The following ENOX1 variants were observed in gnomAD, a reference collection of about 807,000 sequenced individuals.
ENOX1 encodes candidate growth-related and time keeping constitutive hydroquinone (NADH) oxidase.
In ENOX1, 42 loss-of-function variants were observed where a neutral mutation model predicts 82.5. The ratio of observed to expected loss-of-function variants is 0.51; its 90% CI spans 0.40 to 0.66. The LOEUF (loss-of-function observed/expected upper bound fraction) is 0.66, where lower values mean the gene tolerates loss of function less well. Ranked by LOEUF, ENOX1 falls within the 30% of genes least tolerant of loss-of-function variation. ENOX1 has a pLI of 0.00. For missense variants in ENOX1, 608 were observed against 811.6 expected (o/e 0.75, Z 3.05); for synonymous variants, 271 against 282.2 (o/e 0.96, Z 0.40).
intron 2 of ENOX1, among the ~76,000 whole-genome samples, chr13:43,568,027 G>A (rs1206095497): frequency 6.6e-6 from 1 of 152,132 alleles, no homozygotes; most frequent in East Asian, 1.9e-4. Flanking sequence ...ACACAGAAAT[G>A]CTCCCATACT....
At chr13:43,542,010 G>A (rs1014549804) in intron 2 of ENOX1, among the ~76,000 whole-genome samples, 2 of 152,112 alleles carry the variant, frequency 1.3e-5, no homozygotes, top group Non-Finnish European at 2.9e-5. Context: ...CACTGTCGGG[G>A]GTTCCAGAAA....
intron 2 of ENOX1, among the ~76,000 whole-genome samples, chr13:43,646,492 C>A (rs1450087190): frequency 6.6e-6 from 1 of 152,182 alleles, no homozygotes; most frequent in Admixed American, 6.5e-5. Context: ...GACTGCCTGA[C>A]GACTCTGCAG....
intron 2 of ENOX1, among the ~76,000 whole-genome samples, chr13:43,510,053 T>C (rs1032272308): frequency 8.6e-5 from 13 of 152,026 alleles, no homozygotes; most frequent in African/African-American, 2.4e-4. Flanking sequence ...TCTCTGTACA[T>C]ATGTATAGAT....
intron 5 of ENOX1, among the ~76,000 whole-genome samples, chr13:43,384,625 C>T (rs1170551746): frequency 6.6e-6 from 1 of 152,168 alleles, no homozygotes. Flanking sequence ...TTCCGCTATG[C>T]CATGCACCTT....
intron 2 of ENOX1, among the ~76,000 whole-genome samples, chr13:43,542,763 G>A (rs992369308): frequency 1.3e-5 from 2 of 152,162 alleles, no homozygotes; most frequent in African/African-American, 4.8e-5. Context: ...TCAGACTGCT[G>A]TAATACAATA....
At chr13:43,308,235 T>A (rs1196197619) in intron 11 of ENOX1, among the ~76,000 whole-genome samples, 1 of 152,178 alleles carries the variant, frequency 6.6e-6, no homozygotes, top group East Asian at 1.9e-4. Context: ...GTGAGGGGAC[T>A]TCTCCACCTG....
intron 8 of ENOX1, among the ~76,000 whole-genome samples, chr13:43,353,621 G>A (rs997288131): frequency 6.6e-6 from 1 of 152,136 alleles, no homozygotes; most frequent in Non-Finnish European, 1.5e-5. Context: ...TCCTCTCTAA[G>A]GCAGCCAATT....
rs1427936569 is a variant in ENOX1 at position 43,351,278 on chromosome 13, C to A, written c.823+4641G>T. Among the ~76,000 whole-genome samples, 4 of 152,160 alleles carry A rather than the reference C, an allele frequency of 2.6e-5. No homozygotes were observed. In the East Asian group the frequency reaches 7.7e-4, roughly 29 times the overall value. On this transcript the variant is annotated intron_variant, in intron 8 of 16. Coordinates refer to ENST00000690772, the MANE Select transcript of ENOX1 (RefSeq NM_001347969.2). ...AAAGAGTTAATGTTCCCTTCTACCC[C>A]CAAAACACACATGCAATCTCCTTAA...
At chr13:43,745,657 T>C (rs1949983257) in intron 1 of ENOX1, among the ~76,000 whole-genome samples, 2 of 152,198 alleles carry the variant, frequency 1.3e-5, no homozygotes, top group Non-Finnish European at 2.9e-5. Context: ...TGAGCTGCTA[T>C]ACCACTGATA....
chr13:43,520,612 C>T (rs180985236), intron 2 of ENOX1, among the ~76,000 whole-genome samples: 1 of 152,206 alleles, frequency 6.6e-6, no homozygotes, highest in East Asian at 1.9e-4. Context: ...ACTGAATCAC[C>T]ATCACACGAA....
chr13:43,258,862 C>G (rs2043898971), intron 14 of ENOX1, among the ~76,000 whole-genome samples: 1 of 152,196 alleles, frequency 6.6e-6, no homozygotes, highest in South Asian at 2.1e-4. Flanking sequence ...AAAATTACTT[C>G]AAGCTCATCA....
rs116254367 is a variant in ENOX1, at chr13:43,663,028, C to A, written c.-219+4451G>T. Among the ~76,000 whole-genome samples the A allele has an allele frequency of 6.0e-3, 917 of 152,086 alleles. 6 individuals carry two copies. Among genetic ancestry groups the A allele is most frequent in the African/African-American group, 0.021 (868 of 41,502 alleles). ...ATGGAATCTAAGAGAGCAAAGTAAC[C>A]AATTCTGTGTGAAAAGCAAAGCAGG... On this transcript the variant is annotated intron_variant, in intron 2 of 16. Transcript: ENST00000690772.
chr13:43,691,902 G>A (rs149365858), intron 1 of ENOX1, among the ~76,000 whole-genome samples: 9 of 151,874 alleles, frequency 5.9e-5, no homozygotes, highest in East Asian at 5.8e-4. Context: ...GGGTTTCACC[G>A]TGTTAGGCAG....
chr13:43,635,420 A>G (rs1022064558), intron 2 of ENOX1, among the ~76,000 whole-genome samples: 1 of 152,262 alleles, frequency 6.6e-6, no homozygotes, highest in African/African-American at 2.4e-5. Flanking sequence ...CCACAATTGT[A>G]TTAATTACTC....
chr13:43,760,951 T>A (rs1348974588), intron 1 of ENOX1, among the ~76,000 whole-genome samples: 1 of 151,662 alleles, frequency 6.6e-6, no homozygotes, highest in African/African-American at 2.4e-5. Flanking sequence ...TTATACAGAA[T>A]TTTCCCTAGA....
In ENOX1 at chr13:43,359,959, C is replaced by T. The variant is rs2050393674; in HGVS notation, c.481G>A (p.Val161Ile). ...ENATEEIIQE[V>I]FEQCGDITAI... Reference sequence around the variant, plus strand: ...GTAATATCACCGCACTGTTCAAAGACTTCTTGAATAATTTCCTCAGTAGCA... The same window carrying T: ...GTAATATCACCGCACTGTTCAAAGATTTCTTGAATAATTTCCTCAGTAGCA... The change falls in exon 7 of 17, where the codon GTC becomes ATC. Residue 161 changes from valine (V) to isoleucine (I), a missense_variant. By Grantham distance (29) the Val-to-Ile change is conservative. Coordinates refer to ENST00000690772, the MANE Select transcript of ENOX1 (RefSeq NM_001347969.2). 6.2e-7 allele frequency: 1 copy of T among 1,614,092 alleles called. No homozygotes were observed. Among genetic ancestry groups the T allele is most frequent in the Admixed American group, 1.7e-5 (1 of 60,008 alleles).
At chr13:43,551,091 C>T (rs2079175499) in intron 2 of ENOX1, among the ~76,000 whole-genome samples, 1 of 151,968 alleles carries the variant, frequency 6.6e-6, no homozygotes, top group African/African-American at 2.4e-5. Flanking sequence ...ATACACAATC[C>T]TAAACTTAAC....
chr13:43,735,151 T>C (rs917107205), intron 1 of ENOX1, among the ~76,000 whole-genome samples: 2 of 152,156 alleles, frequency 1.3e-5, no homozygotes, highest in Admixed American at 1.3e-4. Context: ...GAGGAACATA[T>C]TACCATGTTA....
intron 1 of ENOX1, among the ~76,000 whole-genome samples, chr13:43,681,248 T>G (rs1340300562): frequency 6.6e-6 from 1 of 152,186 alleles, no homozygotes; most frequent in African/African-American, 2.4e-5. Context: ...TGGAAAAGGC[T>G]TTAGAAGTCA....
Sources: allele counts gnomAD v4.1 joint callset (sites outside exome capture counted in the v4.1 genomes callset), GRCh38; gene constraint gnomAD v4.1.1; transcripts MANE v1.5; gene names NCBI Gene and HGNC (gene_info 2026-07-23, HGNC 2026-07-21).